MID1: variants seen among roughly 807,000 people sequenced by gnomAD.
The protein encoded by MID1 is midline 1.
Under a neutral mutation model 40.4 loss-of-function variants are expected in MID1, and 7 were observed. The ratio of observed to expected loss-of-function variants is 0.17; its 90% CI spans 0.10 to 0.33. The LOEUF is 0.33. MID1 is among the 10% of genes least tolerant of loss of function. MID1 has a pLI of 1.00. For synonymous variants in MID1, 229 were observed against 221.2 expected (o/e 1.04, Z -0.31); for missense variants, 367 against 558.5 (o/e 0.66, Z 3.46).
At chrX:10,775,032 T>C (rs190050893) in intron 1 of MID1, among the ~76,000 whole-genome samples, 69 of 104,267 alleles carry the variant, frequency 6.6e-4, no homozygotes, top group African/African-American at 2.6e-3. Context: ...AATCAGTGGG[T>C]TTTTTGGAGA....
chrX:10,477,895 T>C (rs1930099672), intron 5 of MID1, among the ~76,000 whole-genome samples: 1 of 112,584 alleles, frequency 8.9e-6, no homozygotes, highest in South Asian at 3.7e-4. Context: ...ATGAACACCC[T>C]GCAGACACAC....
rs373251332 is a variant in MID1, at chrX:10,792,985, C to T, written c.-187+40569G>A. Among the ~76,000 whole-genome samples the T allele has an allele frequency of 7.2e-5, 8 of 111,782 alleles. No homozygotes were observed. In the East Asian group the frequency reaches 1.7e-3, roughly 23 times the overall value. ...GTTTGAAGCAGTGCATATTAAAAGTCCTACAAATGTGGGAAGCAAGAGAGA... is the reference window on the plus strand; with the variant it reads ...GTTTGAAGCAGTGCATATTAAAAGTTCTACAAATGTGGGAAGCAAGAGAGA... On this transcript the variant is annotated intron_variant, in intron 1 of 10. Coordinates refer to the MID1 transcript ENST00000380785.
intron 2 of MID1, among the ~76,000 whole-genome samples, chrX:10,538,477 A>G (rs943346371): frequency 9.0e-6 from 1 of 111,246 alleles, no homozygotes; most frequent in African/African-American, 3.3e-5. Flanking sequence ...ATGGCCGTCA[A>G]CGTAATCTTT....
At chrX:10,540,365 T>C (rs1384915435) in intron 2 of MID1, among the ~76,000 whole-genome samples, 1 of 112,202 alleles carries the variant, frequency 8.9e-6, no homozygotes, top group Non-Finnish European at 1.9e-5. Context: ...CCTGTGACTT[T>C]AATCTGTTTC....
intron 1 of MID1, among the ~76,000 whole-genome samples, chrX:10,589,333 C>T (rs984941429): frequency 1.5e-4 from 17 of 110,362 alleles, no homozygotes; most frequent in African/African-American, 5.6e-4. Context: ...AGGCAAGTTC[C>T]CAAGACCAGT....
rs781241309 is a variant in MID1, at chrX:10,629,649, G to C, written c.-186-9230C>G. Reference sequence around the variant, plus strand: ...AGATGTTGGTATTGTGCTATGCAGAGGAGGATTTGGATTTTAGGGCTCTTT... The same window carrying C: ...AGATGTTGGTATTGTGCTATGCAGACGAGGATTTGGATTTTAGGGCTCTTT... On this transcript the variant is annotated intron_variant, in intron 1 of 10. Coordinates refer to the MID1 transcript ENST00000380785. Among the ~76,000 whole-genome samples the C allele has an allele frequency of 5.3e-5, 6 of 112,440 alleles. No individual in the cohort carries two copies. In the South Asian group the frequency reaches 2.2e-3, roughly 41 times the overall value.
At chrX:10,582,620 G>A (rs1269620270) in intron 1 of MID1, among the ~76,000 whole-genome samples, 2 of 111,839 alleles carry the variant, frequency 1.8e-5, no homozygotes, top group African/African-American at 3.3e-5. Context: ...CTTACCAACG[G>A]CTCCAAGCTC....
At chrX:10,665,910 C>CAGCT (rs2042947075) in intron 1 of MID1, among the ~76,000 whole-genome samples, 1 of 109,774 alleles carries the variant, frequency 9.1e-6, no homozygotes, top group Non-Finnish European at 1.9e-5. Context: ...CTGTGACACA[C>CAGCT]GTGACCTGAT....
intron 1 of MID1, among the ~76,000 whole-genome samples, chrX:10,727,754 C>T (rs1288319878): frequency 1.8e-5 from 2 of 111,585 alleles, no homozygotes; most frequent in Non-Finnish European, 3.8e-5. Flanking sequence ...ATGGGATGCT[C>T]TTGAATGCTC....
intron 1 of MID1, among the ~76,000 whole-genome samples, chrX:10,733,705 C>G (rs974948035): frequency 1.8e-5 from 2 of 111,753 alleles, no homozygotes; most frequent in Admixed American, 1.9e-4. Flanking sequence ...TATGAATTAC[C>G]AATAAGCACA....
intron 4 of MID1, among the ~76,000 whole-genome samples, chrX:10,486,690 TC>T (rs1930634815): frequency 8.9e-6 from 1 of 112,080 alleles, no homozygotes; most frequent in Non-Finnish European, 1.9e-5. Flanking sequence ...AAGATTGCCT[TC>T]TGAGATAATG....
chrX:10,770,065 T>C (rs1239524080), intron 1 of MID1, among the ~76,000 whole-genome samples: 1 of 111,731 alleles, frequency 9.0e-6, no homozygotes, highest in Admixed American at 9.5e-5. Flanking sequence ...GGGGAAACGC[T>C]GAACTGACTA....
At chrX:10,463,488 C>A (rs1485029614) in intron 7 of MID1, among the ~76,000 whole-genome samples, 1 of 112,374 alleles carries the variant, frequency 8.9e-6, no homozygotes, top group African/African-American at 3.2e-5. Flanking sequence ...AAGGATACTT[C>A]TCCAAATAAT....
intron 1 of MID1, among the ~76,000 whole-genome samples, chrX:10,650,379 G>A (rs1173250701): frequency 1.8e-5 from 2 of 108,252 alleles, no homozygotes; most frequent in Non-Finnish European, 3.8e-5. Context: ...TCCCATCTCT[G>A]AATCCTCTAT....
chrX:10,817,562 TTCTTTCTTTC>T (rs2044146576), intron 1 of MID1, among the ~76,000 whole-genome samples: 2 of 98,553 alleles, frequency 2.0e-5, no homozygotes, highest in African/African-American at 3.9e-5. Context: ...CTTTCTTTCT[TTCTTTCTTTC>T]TCTCTTTCTT....
chrX:10,675,421 A>G (rs2043016231), intron 1 of MID1, among the ~76,000 whole-genome samples: 1 of 111,191 alleles, frequency 9.0e-6, no homozygotes, highest in East Asian at 2.8e-4. Context: ...CAGAGTTTTT[A>G]GGAATTTGGT....
chrX:10,496,848 C>T (rs769033697), intron 3 of MID1, among the ~76,000 whole-genome samples: 20 of 112,304 alleles, frequency 1.8e-4, no homozygotes, highest in Admixed American at 4.7e-4. Flanking sequence ...AGAGACTACT[C>T]AAGACATCTT....
At chrX:10,601,648 G>A (rs1935521267) in intron 1 of MID1, among the ~76,000 whole-genome samples, 1 of 111,437 alleles carries the variant, frequency 9.0e-6, no homozygotes. Flanking sequence ...CCCTAATAGT[G>A]TGGGGCTGTC....
intron 1 of MID1, among the ~76,000 whole-genome samples, chrX:10,769,204 A>C (rs1378301434): frequency 9.0e-6 from 1 of 111,610 alleles, no homozygotes; most frequent in African/African-American, 3.3e-5. Flanking sequence ...CAGAATTGAT[A>C]GTCAGATAGC....
Sources: gnomAD v4.1 joint callset for allele counts (sites outside exome capture counted in the v4.1 genomes callset) on GRCh38, gnomAD v4.1.1 for gene constraint, MANE v1.5 for transcripts, NCBI Gene and HGNC (gene_info 2026-07-23, HGNC 2026-07-21) for gene names.